The following SPAG16 variants were observed in gnomAD, a reference collection of about 807,000 sequenced individuals.
SPAG16 encodes sperm-associated antigen 16 protein.
SPAG16 carries 86 observed loss-of-function variants against 80.4 expected under a neutral mutation model. That is an observed-to-expected ratio of 1.07 (90% CI 0.90 to 1.28). SPAG16 has a LOEUF of 1.28. Ranked by LOEUF, SPAG16 falls within the 50% of genes most tolerant of loss-of-function variation. SPAG16 has a pLI of 0.00. For missense variants in SPAG16, 870 were observed against 765.3 expected, an observed-to-expected ratio of 1.14 and a Z score of -1.61; for synonymous variants, 294 against 265.9, an observed-to-expected ratio of 1.11 and a Z score of -1.03.
At chr2:213,553,772 T>G (rs2059332006) in intron 10 of SPAG16, among the ~76,000 whole-genome samples, 1 of 152,100 alleles carries the variant, frequency 6.6e-6, no homozygotes, top group African/African-American at 2.4e-5. Flanking sequence ...AGCCAAGTCC[T>G]CTCTGTGGAT....
At chr2:214,036,471 A>G (rs896505187) in intron 13 of SPAG16, among the ~76,000 whole-genome samples, 9 of 152,206 alleles carry the variant, frequency 5.9e-5, no homozygotes, top group African/African-American at 2.2e-4. Flanking sequence ...GTTAATATTA[A>G]TAAACAAAGC....
chr2:213,472,708 G>A (rs934749634), intron 9 of SPAG16, among the ~76,000 whole-genome samples: 2 of 152,038 alleles, frequency 1.3e-5, no homozygotes, highest in African/African-American at 4.8e-5. Flanking sequence ...ATCACAGGAT[G>A]CACCACAATT....
chr2:213,750,108 C>G (rs540754748), intron 10 of SPAG16, among the ~76,000 whole-genome samples: 4 of 152,104 alleles, frequency 2.6e-5, no homozygotes, highest in Non-Finnish European at 5.9e-5. Context: ...TAATAGGCAT[C>G]AAAATAAGAA....
chr2:214,290,652 GA>G (rs1177698431), intron 15 of SPAG16, among the ~76,000 whole-genome samples: 3 of 152,060 alleles, frequency 2.0e-5, no homozygotes, highest in Non-Finnish European at 4.4e-5. Flanking sequence ...TGGTTATCCA[GA>G]AGCATGTTTT....
At chr2:213,475,370 T>A (rs1348895923) in intron 9 of SPAG16, among the ~76,000 whole-genome samples, 7 of 151,960 alleles carry the variant, frequency 4.6e-5, no homozygotes, top group Non-Finnish European at 1.0e-4. Flanking sequence ...GGGGGCAAAA[T>A]AATATAAGAA....
chr2:213,911,344 A>T (rs10174902), intron 11 of SPAG16, among the ~76,000 whole-genome samples: 88,924 of 151,892 alleles, frequency 0.59, 27,831 homozygotes, highest in South Asian at 0.84. Context: ...GAGGTTTCAC[A>T]GTGTTGCCCA....
chr2:213,660,326 G>A (rs200983326), intron 10 of SPAG16, among the ~76,000 whole-genome samples: 3 of 150,444 alleles, frequency 2.0e-5, no homozygotes, highest in Admixed American at 6.6e-5. Context: ...CTTGAGTGCC[G>A]TGGCGCAATC....
At chr2:213,660,213 A>G (rs1175662062) in intron 10 of SPAG16, among the ~76,000 whole-genome samples, 1 of 152,108 alleles carries the variant, frequency 6.6e-6, no homozygotes, top group Non-Finnish European at 1.5e-5. Flanking sequence ...AGAATAATGC[A>G]CAAAGGTTTC....
intron 13 of SPAG16, among the ~76,000 whole-genome samples, chr2:214,085,378 C>CAAA (rs5838406): frequency 1.7e-5 from 2 of 120,222 alleles, no homozygotes; most frequent in African/African-American, 3.0e-5. Flanking sequence ...GATTCCACCT[C>CAAA]AAAAAAAAAA....
intron 15 of SPAG16, among the ~76,000 whole-genome samples, chr2:214,208,166 A>G (rs2058197836): frequency 6.6e-6 from 1 of 152,192 alleles, no homozygotes; most frequent in Non-Finnish European, 1.5e-5. Flanking sequence ...TGAAAAATAC[A>G]GATTTCGGTA....
chr2:213,987,114 A>T (rs559056776), intron 12 of SPAG16, among the ~76,000 whole-genome samples: 16 of 152,114 alleles, frequency 1.1e-4, no homozygotes, highest in Admixed American at 7.2e-4. Flanking sequence ...AGTCTTCTTA[A>T]TTTGTCTTGC....
intron 2 of SPAG16, among the ~76,000 whole-genome samples, chr2:213,296,496 C>G (rs996355827): frequency 2.0e-5 from 3 of 152,160 alleles, no homozygotes; most frequent in Non-Finnish European, 2.9e-5. Flanking sequence ...ATGCATCCTT[C>G]CAGCTTAACA....
intron 10 of SPAG16, among the ~76,000 whole-genome samples, chr2:213,811,616 A>G (rs1306161332): frequency 6.6e-6 from 1 of 152,188 alleles, no homozygotes; most frequent in Non-Finnish European, 1.5e-5. Context: ...ATGAGATGAA[A>G]AATACAACAG....
At chr2:213,829,569 A>G (rs939544500) in intron 10 of SPAG16, among the ~76,000 whole-genome samples, 1 of 152,124 alleles carries the variant, frequency 6.6e-6, no homozygotes, top group Non-Finnish European at 1.5e-5. Context: ...AACAGAAAGA[A>G]TCTTTCTTTC....
chr2:213,953,530 AGACACATACACGT>A (rs2043962280), intron 12 of SPAG16, among the ~76,000 whole-genome samples: 1 of 151,848 alleles, frequency 6.6e-6, no homozygotes, highest in South Asian at 2.1e-4. Flanking sequence ...ATACACACAG[AGACACATACACGT>A]GACACATACA....
chr2:214,373,310 C>A (rs950037929), intron 15 of SPAG16, among the ~76,000 whole-genome samples: 1 of 152,124 alleles, frequency 6.6e-6, no homozygotes, highest in Non-Finnish European at 1.5e-5. Flanking sequence ...TATAGAATTA[C>A]AGTTTTCCTT....
intron 13 of SPAG16, among the ~76,000 whole-genome samples, chr2:214,062,561 C>T (rs1277304325): frequency 6.6e-6 from 1 of 150,600 alleles, no homozygotes; most frequent in Non-Finnish European, 1.5e-5. Flanking sequence ...ATGGTGAGAA[C>T]AAAAACCTTG....
intron 11 of SPAG16, among the ~76,000 whole-genome samples, chr2:213,882,409 A>G (rs913520637): frequency 6.6e-6 from 1 of 152,024 alleles, no homozygotes; most frequent in African/African-American, 2.4e-5. Context: ...TCTTCTTTCT[A>G]TATCTGTTAG....
intron 14 of SPAG16, among the ~76,000 whole-genome samples, chr2:214,147,376 G>T (rs1228555651): frequency 1.3e-5 from 2 of 151,986 alleles, no homozygotes; most frequent in African/African-American, 4.8e-5. Flanking sequence ...ATGGGATAAA[G>T]TATACTTCAA....
Sources: gnomAD v4.1 joint callset for allele counts (sites outside exome capture counted in the v4.1 genomes callset) on GRCh38, gnomAD v4.1.1 for gene constraint, MANE v1.5 for transcripts, NCBI Gene and HGNC (gene_info 2026-07-23, HGNC 2026-07-21) for gene names.